VAMP4: variants seen among roughly 807,000 people sequenced by gnomAD.
The protein encoded by VAMP4 is vesicle associated membrane protein 4, also known as vesicle-associated membrane protein 4.
Under a neutral mutation model 23.5 loss-of-function variants are expected in VAMP4, and 19 were observed. The ratio of observed to expected loss-of-function variants is 0.81; its 90% confidence interval spans 0.56 to 1.19. VAMP4 has a LOEUF of 1.19. Ranked by LOEUF, VAMP4 falls within the 50% of genes most tolerant of loss-of-function variation. The probability of loss-of-function intolerance (pLI) is 0.00; values close to 1 mark genes in which losing one functional copy is unlikely to be tolerated. For synonymous variants in VAMP4, 31 were observed against 51.0 expected (o/e 0.61, Z 1.67); for missense variants, 145 against 168.6 (o/e 0.86, Z 0.78).
At chr1:171,706,442 A>G in intron 6 of VAMP4, 24 bp from the exon 7 acceptor site, 1 of 1,593,938 alleles carries the variant, frequency 6.3e-7, no homozygotes, top group Non-Finnish European at 8.5e-7. Flanking sequence ...AAGGGCATAT[A>G]TATTAATATT....
intron 1 of VAMP4, among the ~76,000 whole-genome samples, chr1:171,739,383 A>C (rs1339675122): frequency 6.6e-6 from 1 of 152,262 alleles, no homozygotes. Context: ...GAGAGGGCAC[A>C]GAAGCTCTGT....
At chr1:171,740,478 A>G (rs868026275) in intron 1 of VAMP4, among the ~76,000 whole-genome samples, 1 of 152,262 alleles carries the variant, frequency 6.6e-6, no homozygotes, top group Admixed American at 6.5e-5. Context: ...TTTCTTTGAT[A>G]AGAAATGCTT....
intron 2 of VAMP4, 116 bp downstream of exon 2, chr1:171,738,233 G>T: frequency 1.8e-6 from 2 of 1,086,064 alleles, no homozygotes; most frequent in Non-Finnish European, 2.7e-6. Flanking sequence ...CGTCCCAAGT[G>T]CGGCGATTGC....
intron 3 of VAMP4, among the ~76,000 whole-genome samples, chr1:171,724,491 A>T (rs1463731555): frequency 6.6e-6 from 1 of 152,160 alleles, no homozygotes; most frequent in African/African-American, 2.4e-5. Context: ...ATAAAAGAAA[A>T]TACTTAAGGA....
chr1:171,706,559 CT>C, intron 6 of VAMP4, 141 bp from the exon 7 acceptor site: 1 of 680,380 alleles, frequency 1.5e-6, no homozygotes, highest in Non-Finnish European at 2.3e-6. Context: ...ACAGAATGCT[CT>C]TAGGCAAAGT....
chr1:171,735,697 T>C (rs1241417213), intron 2 of VAMP4, among the ~76,000 whole-genome samples: 1 of 152,216 alleles, frequency 6.6e-6, no homozygotes, highest in African/African-American at 2.4e-5. Flanking sequence ...TCAGCATGCT[T>C]TGTGCACGCT....
Position 171,706,432 on chromosome 1 carries a change from A to G in VAMP4, c.346-14T>C. The G allele has an allele frequency of 6.2e-7, 1 of 1,601,972 alleles. No homozygotes were observed. Among genetic ancestry groups the G allele is most frequent in the South Asian group, 1.1e-5 (1 of 89,004 alleles). ...GATGGCTTTTATCTACAACACACAAAAGGGCATATATATTAATATTTGACT... is the reference window on the plus strand; with the variant it reads ...GATGGCTTTTATCTACAACACACAAGAGGGCATATATATTAATATTTGACT... On this transcript the variant is annotated splice_polypyrimidine_tract_variant and intron_variant, in intron 6 of 7. Transcript: ENST00000236192.
intron 3 of VAMP4, among the ~76,000 whole-genome samples, chr1:171,725,053 A>G (rs762802408): frequency 6.6e-6 from 1 of 152,190 alleles, no homozygotes; most frequent in Non-Finnish European, 1.5e-5. Flanking sequence ...TCATCTTTCA[A>G]AACTGAAACT....
At chr1:171,737,883 CTAAG>C (rs1471831920) in intron 2 of VAMP4, among the ~76,000 whole-genome samples, 4 of 152,150 alleles carry the variant, frequency 2.6e-5, no homozygotes, top group African/African-American at 9.7e-5. Context: ...TGTCACCAAT[CTAAG>C]TAACATGTTT....
intron 7 of VAMP4, among the ~76,000 whole-genome samples, chr1:171,705,777 T>C (rs114310204): frequency 0.018 from 2,700 of 152,168 alleles, 75 homozygotes; most frequent in African/African-American, 0.06. Flanking sequence ...TCTGTAAACA[T>C]AGGCAGAGGC....
chr1:171,718,760 A>T (rs1655097052), intron 4 of VAMP4, among the ~76,000 whole-genome samples: 1 of 152,192 alleles, frequency 6.6e-6, no homozygotes, highest in South Asian at 2.1e-4. Context: ...ACTATGCTAA[A>T]TAAATGGATT....
intron 2 of VAMP4, among the ~76,000 whole-genome samples, chr1:171,733,838 AAG>A (rs1472015773): frequency 6.6e-6 from 1 of 152,224 alleles, no homozygotes; most frequent in Non-Finnish European, 1.5e-5. Context: ...GTATACACCA[AAG>A]AGAAATAAAA....
Position 171,701,326 on chromosome 1 carries a change from A to G in VAMP4, c.*3180T>C, listed in dbSNP as rs1009145991. Reference sequence around the variant, plus strand: ...CAATACAATTAAGGGGACATCTTCTAATGGCATTTGTTCTTAACATGGAAA... The same window carrying G: ...CAATACAATTAAGGGGACATCTTCTGATGGCATTTGTTCTTAACATGGAAA... On this transcript the variant is annotated 3_prime_UTR_variant, in exon 8 of 8. Coordinates refer to ENST00000236192, the MANE Select transcript of VAMP4 (RefSeq NM_003762.5). 1 of 152,226 alleles carries G rather than the reference A, an allele frequency of 6.6e-6. No homozygotes were observed. The highest frequency in any genetic ancestry group is 2.4e-5 in the African/African-American group (1 of 41,460). 9.4% of individuals were successfully genotyped at this position (152,226 alleles called of 1,614,324 possible).
chr1:171,710,921 T>C (rs1459427408), intron 4 of VAMP4, 107 bp from the exon 5 acceptor site: 1 of 768,028 alleles, frequency 1.3e-6, no homozygotes, highest in Non-Finnish European at 2.0e-6. Context: ...CAGAGAATTA[T>C]TCAACTATAA....
intron 3 of VAMP4, among the ~76,000 whole-genome samples, chr1:171,724,173 G>A (rs1446968166): frequency 6.6e-6 from 1 of 152,056 alleles, no homozygotes; most frequent in Non-Finnish European, 1.5e-5. Flanking sequence ...GTCCTTTGTA[G>A]GGACATGGAT....
At chr1:171,706,891 G>A (rs1288732773) in intron 6 of VAMP4, among the ~76,000 whole-genome samples, 2 of 152,032 alleles carry the variant, frequency 1.3e-5, no homozygotes, top group Non-Finnish European at 2.9e-5. Flanking sequence ...TTAATCTGAA[G>A]CATTTCTAAA....
chr1:171,719,056 A>G, intron 4 of VAMP4, 115 bp downstream of exon 4: 2 of 852,192 alleles, frequency 2.3e-6, no homozygotes, highest in Non-Finnish European at 3.6e-6. Context: ...ATGTTCCAAT[A>G]AAACTTTATT....
chr1:171,704,736 C>T (rs1654593490), intron 7 of VAMP4, among the ~76,000 whole-genome samples: 1 of 151,938 alleles, frequency 6.6e-6, no homozygotes, highest in South Asian at 2.1e-4. Flanking sequence ...CTAACATTGG[C>T]ATCTTAAATA....
At chr1:171,735,709 A>C (rs149172223) in intron 2 of VAMP4, among the ~76,000 whole-genome samples, 170 of 152,342 alleles carry the variant, frequency 1.1e-3, no homozygotes, top group African/African-American at 3.8e-3. Flanking sequence ...GTGCACGCTG[A>C]TCACTGAATA....
Sources: gnomAD v4.1 joint callset for allele counts (sites outside exome capture counted in the v4.1 genomes callset) on GRCh38, gnomAD v4.1.1 for gene constraint, MANE v1.5 for transcripts, NCBI Gene and HGNC (gene_info 2026-07-23, HGNC 2026-07-21) for gene names.